The following ASTN2 variants were observed in gnomAD, a reference collection of about 807,000 sequenced individuals.
ASTN2 encodes astrotactin 2.
Under a neutral mutation model 139.8 loss-of-function variants are expected in ASTN2, and 54 were observed. That is an observed-to-expected ratio of 0.39 (90% CI 0.31 to 0.48). The LOEUF is 0.48. Among genes scored for constraint, ASTN2 ranks in the 20% least tolerant of loss-of-function variants. The pLI, the probability that ASTN2 is intolerant of heterozygous loss-of-function variation, is 0.95. For missense variants in ASTN2, 1,565 were observed against 1,725.1 expected (o/e 0.91, Z 1.64); for synonymous variants, 756 against 719.5 (o/e 1.05, Z -0.81).
intron 2 of ASTN2, among the ~76,000 whole-genome samples, chr9:117,287,194 G>A (rs1267834472): frequency 1.3e-5 from 2 of 151,976 alleles, no homozygotes; most frequent in Non-Finnish European, 2.9e-5. Flanking sequence ...CTCATTCCGT[G>A]CCTAGAAAAA....
intron 16 of ASTN2, chr9:116,686,743 G>A: frequency 6.4e-7 from 1 of 1,550,544 alleles, no homozygotes; most frequent in South Asian, 1.2e-5. Flanking sequence ...CCCCAAGTCT[G>A]CCTCTGCTGT....
intron 10 of ASTN2, among the ~76,000 whole-genome samples, chr9:116,873,318 G>A (rs1833212573): frequency 6.6e-6 from 1 of 152,312 alleles, no homozygotes; most frequent in East Asian, 1.9e-4. Flanking sequence ...TCCAGGGGAG[G>A]GATAGGGTGA....
At chr9:116,466,458 G>A (rs915308028) in intron 20 of ASTN2, among the ~76,000 whole-genome samples, 4 of 152,164 alleles carry the variant, frequency 2.6e-5, no homozygotes, top group African/African-American at 9.7e-5. Flanking sequence ...GTTCCTTACA[G>A]CAGCCTGCTT....
At chr9:117,200,644 G>T (rs962349736) in intron 3 of ASTN2, among the ~76,000 whole-genome samples, 20 of 152,114 alleles carry the variant, frequency 1.3e-4, no homozygotes, top group Non-Finnish European at 2.1e-4. Context: ...CTTTAGTTCT[G>T]TTTATGTAAT....
intron 1 of ASTN2, among the ~76,000 whole-genome samples, chr9:117,360,129 A>G (rs1392202736): frequency 6.6e-6 from 1 of 152,174 alleles, no homozygotes; most frequent in East Asian, 1.9e-4. Context: ...TTACACTCTG[A>G]GGTTAGGACT....
At chr9:116,887,810 G>C (rs1478878397) in intron 10 of ASTN2, among the ~76,000 whole-genome samples, 5 of 152,042 alleles carry the variant, frequency 3.3e-5, no homozygotes, top group Non-Finnish European at 5.9e-5. Flanking sequence ...TGGGACTACA[G>C]GCCCGTACCA....
chr9:116,811,399 C>T (rs971883593), intron 12 of ASTN2, among the ~76,000 whole-genome samples: 3 of 152,172 alleles, frequency 2.0e-5, no homozygotes, highest in African/African-American at 7.2e-5. Context: ...CCAAGTGTCA[C>T]TTAGAAGATA....
intron 20 of ASTN2, among the ~76,000 whole-genome samples, chr9:116,464,168 T>C (rs1848581926): frequency 6.6e-6 from 1 of 152,098 alleles, no homozygotes; most frequent in Non-Finnish European, 1.5e-5. Context: ...TTATGACAAA[T>C]GTCATAATGT....
chr9:116,658,063 G>C (rs1332846870), intron 16 of ASTN2, among the ~76,000 whole-genome samples: 1 of 151,862 alleles, frequency 6.6e-6, no homozygotes, highest in East Asian at 1.9e-4. Flanking sequence ...TTTTGTATTT[G>C]CAAGAAGAGA....
chr9:117,061,139 TTTTATTTA>T (rs71379255), intron 5 of ASTN2, among the ~76,000 whole-genome samples: 4,085 of 141,956 alleles, frequency 0.029, 154 homozygotes, highest in African/African-American at 0.089. Context: ...TACACCAGTC[TTTTATTTA>T]TTTATTTATT....
chr9:116,571,745 C>T (rs1853525112), intron 19 of ASTN2, among the ~76,000 whole-genome samples: 1 of 152,152 alleles, frequency 6.6e-6, no homozygotes, highest in African/African-American at 2.4e-5. Flanking sequence ...CTGTGCGTGG[C>T]ATGCTATCCC....
chr9:116,534,353 C>G (rs1157333601), intron 19 of ASTN2, among the ~76,000 whole-genome samples: 1 of 152,138 alleles, frequency 6.6e-6, no homozygotes, highest in Non-Finnish European at 1.5e-5. Flanking sequence ...TTTTGTGTCT[C>G]TATTTCCTTC....
At chr9:117,261,638 T>C (rs1833825054) in intron 2 of ASTN2, among the ~76,000 whole-genome samples, 1 of 152,186 alleles carries the variant, frequency 6.6e-6, no homozygotes, top group African/African-American at 2.4e-5. Flanking sequence ...CATGACTCTC[T>C]CCTCATTCTT....
At chr9:116,754,208 C>T (rs906518764) in intron 13 of ASTN2, among the ~76,000 whole-genome samples, 5 of 152,106 alleles carry the variant, frequency 3.3e-5, no homozygotes, top group African/African-American at 1.2e-4. Flanking sequence ...TCCAGTCTAT[C>T]ATTGATGGGC....
chr9:117,020,364 T>G (rs146711350), intron 6 of ASTN2, among the ~76,000 whole-genome samples: 43 of 151,804 alleles, frequency 2.8e-4, no homozygotes, highest in African/African-American at 8.7e-4. Context: ...GGTCTCTAGC[T>G]AATTGCCAAG....
At chr9:117,297,814 G>C (rs1210649691) in intron 1 of ASTN2, among the ~76,000 whole-genome samples, 2 of 152,156 alleles carry the variant, frequency 1.3e-5, no homozygotes, top group African/African-American at 4.8e-5. Flanking sequence ...ACCTAGGATG[G>C]AAGCTTTCAA....
At chr9:116,867,350 G>C (rs895465281) in intron 10 of ASTN2, among the ~76,000 whole-genome samples, 1 of 151,860 alleles carries the variant, frequency 6.6e-6, no homozygotes, top group Non-Finnish European at 1.5e-5. Context: ...GGAAGAGAAA[G>C]ACACTGAGTA....
At chr9:117,007,207 T>C (rs1837380094) in intron 7 of ASTN2, among the ~76,000 whole-genome samples, 1 of 152,132 alleles carries the variant, frequency 6.6e-6, no homozygotes, top group African/African-American at 2.4e-5. Context: ...TTCTGTATAA[T>C]GAAACTCCAC....
At chr9:117,312,122 G>A (rs1827992309) in intron 1 of ASTN2, among the ~76,000 whole-genome samples, 1 of 152,164 alleles carries the variant, frequency 6.6e-6, no homozygotes, top group Non-Finnish European at 1.5e-5. Context: ...ACACATATCA[G>A]CTATTACTAA....
Sources: gnomAD v4.1 joint callset for allele counts (sites outside exome capture counted in the v4.1 genomes callset) on GRCh38, gnomAD v4.1.1 for gene constraint, MANE v1.5 for transcripts, NCBI Gene and HGNC (gene_info 2026-07-23, HGNC 2026-07-21) for gene names.